CNGB1: variants seen among roughly 807,000 people sequenced by gnomAD.
The protein encoded by CNGB1 is cyclic nucleotide gated channel subunit beta 1.
CNGB1 carries 126 observed loss-of-function variants against 151.7 expected under a neutral mutation model. The observed-to-expected ratio is 0.83, with a 90% CI of 0.72 to 0.96. The LOEUF (loss-of-function observed/expected upper bound fraction) is 0.96. Among genes scored for constraint, CNGB1 ranks in the 40% least tolerant of loss-of-function variants. CNGB1 has a pLI of 0.00. For missense variants in CNGB1, 1,698 were observed against 1,627.0 expected, an observed-to-expected ratio of 1.04 and a Z score of -0.75; for synonymous variants, 623 against 635.1, an observed-to-expected ratio of 0.98 and a Z score of 0.29.
chr16:57,926,284 C>A (rs1250554544), intron 17 of CNGB1, among the ~76,000 whole-genome samples: 1 of 152,194 alleles, frequency 6.6e-6, no homozygotes, highest in East Asian at 1.9e-4. Flanking sequence ...CCCCTGAGGG[C>A]CAATCAGAGA....
chr16:57,954,925 G>T (rs1272338513), intron 12 of CNGB1: 2 of 1,031,750 alleles, frequency 1.9e-6, no homozygotes, highest in African/African-American at 3.4e-5. Context: ...TTTAAAAAAG[G>T]TTTTTTAGAG....
intron 10 of CNGB1, among the ~76,000 whole-genome samples, 189 bp downstream of exon 10, chr16:57,959,698 CA>C (rs1962188264): frequency 6.6e-6 from 1 of 152,194 alleles, no homozygotes; most frequent in South Asian, 2.1e-4. Flanking sequence ...GAAAAGTACC[CA>C]AAGCTTGAAA....
At chr16:57,942,206 T>C (rs1235433027) in intron 14 of CNGB1, among the ~76,000 whole-genome samples, 1 of 152,108 alleles carries the variant, frequency 6.6e-6, no homozygotes, top group African/African-American at 2.4e-5. Flanking sequence ...CTATTCAATG[T>C]ACTATAAGAG....
intron 1 of CNGB1, among the ~76,000 whole-genome samples, chr16:57,969,116 G>C (rs1366698156): frequency 3.3e-5 from 5 of 152,134 alleles, no homozygotes; most frequent in Non-Finnish European, 1.5e-5. Flanking sequence ...GATCAGCCTA[G>C]CCAACATGGT....
At chr16:57,917,886 T>C (rs745443500) in intron 20 of CNGB1, among the ~76,000 whole-genome samples, 1 of 151,988 alleles carries the variant, frequency 6.6e-6, no homozygotes, top group Non-Finnish European at 1.5e-5. Context: ...GGGACTATGC[T>C]GGTATTATAA....
chr16:57,953,899 C>A (rs913536543), intron 12 of CNGB1, among the ~76,000 whole-genome samples: 49 of 151,258 alleles, frequency 3.2e-4, no homozygotes, highest in African/African-American at 1.0e-3. Context: ...AAAAAAAAAA[C>A]AACACAGAAC....
At chr16:57,921,081 T>C (rs753610757) in intron 18 of CNGB1, among the ~76,000 whole-genome samples, 3 of 152,034 alleles carry the variant, frequency 2.0e-5, no homozygotes, top group African/African-American at 2.4e-5. Flanking sequence ...TTCCTCTGAG[T>C]AGCCTCACTG....
chr16:57,906,207 C>T (rs1960546499), intron 25 of CNGB1, among the ~76,000 whole-genome samples: 1 of 152,230 alleles, frequency 6.6e-6, no homozygotes, highest in Admixed American at 6.5e-5. Context: ...AAATCTCTCT[C>T]TCTCTCTCTC....
In CNGB1 at chr16:57,919,293, A is replaced by C. The variant is rs748064539; in HGVS notation, c.1802-39T>G. The stretch of plus-strand genomic sequence containing the variant: ...TTGGTGACCATCTGAACCAGCCCTG[A>C]GGCCCAGGTAGAGGATGCAGAGAGA... On this transcript the variant is annotated intron_variant, in intron 19 of 32. Transcript: ENST00000251102. 3.5e-5 allele frequency: 57 copies of C among 1,613,588 alleles called. 1 individual carries two copies. The South Asian group carries it at 6.0e-4, about 17-fold the overall frequency.
intron 14 of CNGB1, among the ~76,000 whole-genome samples, chr16:57,947,632 CTG>C (rs1455415528): frequency 2.0e-5 from 3 of 152,196 alleles, no homozygotes; most frequent in Non-Finnish European, 2.9e-5. Context: ...CAAGTAGAGG[CTG>C]TGTGGCCTCC....
intron 17 of CNGB1, among the ~76,000 whole-genome samples, chr16:57,926,297 T>TG (rs1961187014): frequency 6.6e-6 from 1 of 152,136 alleles, no homozygotes; most frequent in Admixed American, 6.5e-5. Flanking sequence ...ATCAGAGAGC[T>TG]GGGCAGGAGG....
chr16:57,960,743 G>A, intron 8 of CNGB1, 97 bp downstream of exon 8: 1 of 1,386,084 alleles, frequency 7.2e-7, no homozygotes, highest in East Asian at 2.4e-5. Context: ...GAGTTCTGGG[G>A]TGGGTGGGGA....
intron 18 of CNGB1, 57 bp downstream of exon 18, chr16:57,923,216 A>AC: frequency 3.0e-6 from 3 of 1,014,452 alleles, no homozygotes; most frequent in Non-Finnish European, 2.9e-6. Flanking sequence ...TAGCCCCCCC[A>AC]CATCCCCCAC....
At position 57,888,023 on chromosome 16, in the gene CNGB1, G is replaced by T; in HGVS notation, c.3294C>A (p.Ile1098=). The change falls in exon 32 of 33, where the codon ATC becomes ATA. Residue 1098 remains isoleucine, a synonymous_variant. Coordinates refer to ENST00000251102, the MANE Select transcript of CNGB1 (RefSeq NM_001297.5). ...TTGGGGTGCCCGCCCGGGGTGGAAG[G>T]ATCAGCACGCTCTTCTCCTCCTTGG... ...NKPKEEKSVL[I]LPPRAGTPKL... is the part of the protein sequence containing the mutation. 2.5e-6 allele frequency: 4 copies of T among 1,614,168 alleles called. No individual in the cohort carries two copies. The highest frequency in any genetic ancestry group is 3.4e-6 in the Non-Finnish European group (4 of 1,180,016).
At chr16:57,889,138 C>G (rs1195062262) in intron 31 of CNGB1, among the ~76,000 whole-genome samples, 10 of 152,186 alleles carry the variant, frequency 6.6e-5, no homozygotes, top group Admixed American at 1.3e-4. Flanking sequence ...AGGGGACTCT[C>G]CCTTGCTGAC....
At chr16:57,938,388 T>C (rs192583897) in intron 16 of CNGB1, among the ~76,000 whole-genome samples, 1 of 152,276 alleles carries the variant, frequency 6.6e-6, no homozygotes, top group East Asian at 1.9e-4. Context: ...TTGGGTCCAG[T>C]CCCATTTCAA....
At chr16:57,908,062 T>A (rs1314889514) in intron 25 of CNGB1, among the ~76,000 whole-genome samples, 2 of 152,106 alleles carry the variant, frequency 1.3e-5, no homozygotes, top group Non-Finnish European at 2.9e-5. Flanking sequence ...CTAAGTTTTG[T>A]ATTTTTTTTG....
In CNGB1 at chr16:57,918,744, G is replaced by T. The variant is rs1476696084; in HGVS notation, c.1957+355C>A. On this transcript the variant is annotated intron_variant, in intron 20 of 32. Coordinates refer to ENST00000251102, the MANE Select transcript of CNGB1 (RefSeq NM_001297.5). ...AGACAGAGTCTCACTCTGTCACCTA[G>T]GTTGGAATGCAATTGTGCGATCTTG... is the stretch of plus-strand genomic sequence containing the variant. Among the ~76,000 whole-genome samples the T allele has an allele frequency of 3.9e-5, 6 of 152,066 alleles. No individual in the cohort carries two copies. In the East Asian group the frequency reaches 1.2e-3, roughly 29 times the overall value.
chr16:57,960,674 C>T (rs984522563), intron 8 of CNGB1, 144 bp from the exon 9 acceptor site: 1 of 1,292,270 alleles, frequency 7.7e-7, no homozygotes, highest in South Asian at 1.3e-5. Flanking sequence ...ATCCCGGCCC[C>T]CTCTCACAGT....
Sources: gnomAD v4.1 joint callset for allele counts (sites outside exome capture counted in the v4.1 genomes callset) on GRCh38, gnomAD v4.1.1 for gene constraint, MANE v1.5 for transcripts, NCBI Gene and HGNC (gene_info 2026-07-23, HGNC 2026-07-21) for gene names.